Variants in ZBTB20 observed in about 807,000 individuals in gnomAD.
ZBTB20 encodes the protein zinc finger and BTB domain containing 20.
A neutral mutation model predicts 56.9 loss-of-function variants in ZBTB20; 9 were observed. The observed-to-expected ratio is 0.16, with a 90% CI of 0.10 to 0.28. ZBTB20 has a LOEUF of 0.28. ZBTB20 is among the 10% of genes least tolerant of loss of function. ZBTB20 has a pLI of 1.00. For missense variants in ZBTB20, 655 were observed against 1,003.0 expected (o/e 0.65, Z 4.69); for synonymous variants, 417 against 420.7 (o/e 0.99, Z 0.11).
chr3:114,450,656 T>A (rs1361968171), intron 7 of ZBTB20, among the ~76,000 whole-genome samples: 1 of 152,110 alleles, frequency 6.6e-6, no homozygotes, highest in Non-Finnish European at 1.5e-5. Flanking sequence ...AAAAATTATA[T>A]CCTGATACAA....
chr3:114,602,128 T>G (rs1012233022), intron 6 of ZBTB20, among the ~76,000 whole-genome samples: 93 of 152,142 alleles, frequency 6.1e-4, no homozygotes, highest in African/African-American at 2.2e-3. Flanking sequence ...TCACATGATT[T>G]GAACAAGAAT....
chr3:115,060,654 T>A (rs2081980179), intron 2 of ZBTB20, among the ~76,000 whole-genome samples: 1 of 152,152 alleles, frequency 6.6e-6, no homozygotes, highest in Admixed American at 6.5e-5. Flanking sequence ...AATACTTGCC[T>A]CAGAAAAGAA....
intron 5 of ZBTB20, among the ~76,000 whole-genome samples, chr3:114,779,156 C>T (rs2069866090): frequency 6.6e-6 from 1 of 152,200 alleles, no homozygotes; most frequent in African/African-American, 2.4e-5. Context: ...CAACTTCATA[C>T]TCTCCTTGTC....
At chr3:114,682,616 G>A (rs2108260947) in intron 6 of ZBTB20, among the ~76,000 whole-genome samples, 1 of 152,290 alleles carries the variant, frequency 6.6e-6, no homozygotes, top group South Asian at 2.1e-4. Context: ...AGTGATTAGA[G>A]AGACTGTGAT....
chr3:115,053,049 T>G (rs1453787176), intron 2 of ZBTB20, among the ~76,000 whole-genome samples: 1 of 152,214 alleles, frequency 6.6e-6, no homozygotes, highest in Non-Finnish European at 1.5e-5. Flanking sequence ...CTCTCTCTGT[T>G]GTGGTTTAGC....
intron 2 of ZBTB20, among the ~76,000 whole-genome samples, chr3:115,058,472 T>C (rs745988047): frequency 2.0e-5 from 3 of 152,194 alleles, no homozygotes; most frequent in Non-Finnish European, 2.9e-5. Flanking sequence ...GTCATGCCTC[T>C]AATCACAGCA....
chr3:114,925,756 G>A (rs930506651), intron 3 of ZBTB20, among the ~76,000 whole-genome samples: 3 of 151,952 alleles, frequency 2.0e-5, no homozygotes, highest in South Asian at 2.1e-4. Flanking sequence ...TCAATCTCCC[G>A]ACCTCGTGAT....
intron 3 of ZBTB20, among the ~76,000 whole-genome samples, chr3:114,901,265 C>CA (rs60746426): frequency 0.053 from 6,600 of 125,102 alleles, 158 homozygotes; most frequent in Middle Eastern, 0.13. Context: ...GGCTCCATCT[C>CA]AAAAAAAAAA....
intron 6 of ZBTB20, among the ~76,000 whole-genome samples, chr3:114,630,692 C>T (rs2058893357): frequency 6.6e-6 from 1 of 152,182 alleles, no homozygotes; most frequent in Non-Finnish European, 1.5e-5. Context: ...AGGAAAATTT[C>T]TTCTTTCTGC....
chr3:114,831,311 G>C (rs1290081689), intron 4 of ZBTB20, among the ~76,000 whole-genome samples: 1 of 151,730 alleles, frequency 6.6e-6, no homozygotes, highest in Non-Finnish European at 1.5e-5. Context: ...AACCCAGACT[G>C]CCTGGGTTCA....
At chr3:115,041,884 A>G (rs1255677950) in intron 2 of ZBTB20, among the ~76,000 whole-genome samples, 2 of 152,170 alleles carry the variant, frequency 1.3e-5, no homozygotes, top group Non-Finnish European at 2.9e-5. Flanking sequence ...ACCTCTGTCT[A>G]TTTCCTGAGG....
intron 6 of ZBTB20, among the ~76,000 whole-genome samples, chr3:114,605,388 T>C (rs1427450341): frequency 1.3e-5 from 2 of 152,206 alleles, no homozygotes; most frequent in Admixed American, 1.3e-4. Flanking sequence ...ATCAGTGAAT[T>C]ACCCATTTTG....
At chr3:114,909,263 T>C (rs2075435857) in intron 3 of ZBTB20, among the ~76,000 whole-genome samples, 1 of 151,820 alleles carries the variant, frequency 6.6e-6, no homozygotes, top group Non-Finnish European at 1.5e-5. Context: ...TTTAGCAAAG[T>C]TTAAAAAGTT....
chr3:115,107,593 C>T (rs1464878245), intron 1 of ZBTB20, among the ~76,000 whole-genome samples: 1 of 152,126 alleles, frequency 6.6e-6, no homozygotes, highest in Non-Finnish European at 1.5e-5. Context: ...GGCGATTCCT[C>T]AAGGATCTAG....
chr3:114,610,621 C>G (rs1221462599), intron 6 of ZBTB20, among the ~76,000 whole-genome samples: 4 of 152,106 alleles, frequency 2.6e-5, no homozygotes. Context: ...AGGTATTTTC[C>G]ACATTAGAAA....
chr3:114,750,936 C>T (rs926274157), intron 5 of ZBTB20, among the ~76,000 whole-genome samples: 4 of 152,028 alleles, frequency 2.6e-5, no homozygotes, highest in African/African-American at 9.7e-5. Flanking sequence ...AGTAAGATAT[C>T]CTTAGGTAGC....
intron 6 of ZBTB20, among the ~76,000 whole-genome samples, chr3:114,564,777 T>C (rs189899935): frequency 3.3e-5 from 5 of 152,342 alleles, no homozygotes; most frequent in African/African-American, 1.2e-4. Flanking sequence ...GACAGAATTC[T>C]AGCACTTCTC....
At position 115,065,422 on chromosome 3, in the gene ZBTB20, G is replaced by A. The variant is rs193214142; in HGVS notation, c.-507+5797C>T. Among the ~76,000 whole-genome samples the A allele has an allele frequency of 5.0e-3, 759 of 152,096 alleles. 4 individuals carry two copies. The highest frequency in any genetic ancestry group is 0.017 in the African/African-American group (689 of 41,486). ...CAACACTCTCCAGTCACATGTATTC[G>A]GCTTTCCCATTTCTGCCAGTTCCTC... is the stretch of plus-strand genomic sequence containing the variant. On this transcript the variant is annotated intron_variant, in intron 2 of 11. Coordinates refer to ENST00000675478, the MANE Select transcript of ZBTB20 (RefSeq NM_001348800.3).
chr3:114,453,658 A>G (rs1356929239), intron 7 of ZBTB20: 2 of 152,130 alleles, frequency 1.3e-5, no homozygotes, highest in Admixed American at 6.6e-5. Context: ...GAAAAAAAAT[A>G]GCATAAAGTG....
Sources: allele counts gnomAD v4.1 joint callset (sites outside exome capture counted in the v4.1 genomes callset), GRCh38; gene constraint gnomAD v4.1.1; transcripts MANE v1.5; gene names NCBI Gene and HGNC (gene_info 2026-07-23, HGNC 2026-07-21).